Variants in HOOK1 observed in about 807,000 individuals in gnomAD.
HOOK1 encodes protein Hook homolog 1.
A neutral mutation model predicts 112.8 loss-of-function variants in HOOK1; 60 were observed. The observed-to-expected ratio is 0.53, with a 90% confidence interval of 0.43 to 0.66. The LOEUF (loss-of-function observed/expected upper bound fraction) is 0.66. Among genes scored for constraint, HOOK1 ranks in the 30% least tolerant of loss-of-function variants. The pLI is 0.00. For missense variants in HOOK1, 770 were observed against 856.0 expected, an observed-to-expected ratio of 0.90 and a Z score of 1.25; for synonymous variants, 294 against 283.8, an observed-to-expected ratio of 1.04 and a Z score of -0.36.
At chr1:59,863,867 C>A (rs767940148) in intron 16 of HOOK1, 1 of 941,336 alleles carries the variant, frequency 1.1e-6, no homozygotes, top group Non-Finnish European at 1.3e-6. Flanking sequence ...TGCATATATA[C>A]GGTATTGTAA....
chr1:59,840,449 T>G (rs1260242992), intron 8 of HOOK1, 58 bp downstream of exon 8: 1 of 1,085,290 alleles, frequency 9.2e-7, no homozygotes, highest in African/African-American at 1.6e-5. Context: ...CAGAAGATTT[T>G]TATTGTAATT....
At chr1:59,846,527 T>TTTCCTTCCTTCC (rs56170541) in intron 9 of HOOK1, among the ~76,000 whole-genome samples, 2 of 87,334 alleles carry the variant, frequency 2.3e-5, no homozygotes, top group Non-Finnish European at 4.6e-5. Context: ...CTTCCTTCCT[T>TTTCCTTCCTTCC]TTCCTTCCTT....
intron 15 of HOOK1, 145 bp downstream of exon 15, chr1:59,860,473 C>T (rs2098412991): frequency 1.6e-6 from 1 of 617,846 alleles, no homozygotes; most frequent in African/African-American, 1.9e-5. Context: ...AGTAGTCTTT[C>T]ATCACTATAA....
At chr1:59,848,630 TG>T in intron 11 of HOOK1, 114 bp downstream of exon 11, 1 of 683,108 alleles carries the variant, frequency 1.5e-6, no homozygotes, top group Non-Finnish European at 2.5e-6. Context: ...TAATAAGCTA[TG>T]AACTTATTCT....
At chr1:59,853,343 T>A (rs2098408281) in intron 12 of HOOK1, among the ~76,000 whole-genome samples, 1 of 152,110 alleles carries the variant, frequency 6.6e-6, no homozygotes, top group Non-Finnish European at 1.5e-5. Flanking sequence ...TTGATTTTTC[T>A]AATGTCTGTC....
At chr1:59,845,012 A>G (rs1260217352) in intron 9 of HOOK1, among the ~76,000 whole-genome samples, 2 of 151,976 alleles carry the variant, frequency 1.3e-5, no homozygotes, top group East Asian at 3.9e-4. Context: ...AGAAATCCTT[A>G]GTCCATTCCT....
chr1:59,846,570 CCTTCCTT>C (rs1320221418), intron 9 of HOOK1, among the ~76,000 whole-genome samples: 830 of 81,710 alleles, frequency 0.01, 64 homozygotes, highest in African/African-American at 0.012. Flanking sequence ...TTCCTTCCTT[CCTTCCTT>C]CCTTCCTTCC....
chr1:59,843,517 T>C lies in HOOK1; in HGVS notation c.707T>C (p.Phe236Ser). The change falls in exon 9 of 22, where the codon TTT becomes TCT. Residue 236 changes from phenylalanine to serine, a missense_variant. By Grantham distance (155) the Phe-to-Ser change is radical. Around this residue, in one of 3 missense-constraint regions of HOOK1, gnomAD observed 655 missense variants for 725.9 expected, o/e 0.90. Coordinates refer to ENST00000371208, the MANE Select transcript of HOOK1 (RefSeq NM_015888.6). The part of the protein sequence containing the change: ...NEKLDQLDGS[F>S]DDPNTVVAKK... ...AAACTTGACCAGTTGGATGGCTCTT[T>C]TGATGATCCAAACACAGTGGTTGCA... 1 of 1,610,500 alleles carries C rather than the reference T, an allele frequency of 6.2e-7. No homozygotes were observed. The highest frequency in any genetic ancestry group is 8.5e-7 in the Non-Finnish European group (1 of 1,177,810).
At position 59,850,038 on chromosome 1, in the gene HOOK1, A is replaced by G. The variant is rs112491489; in HGVS notation, c.1242+855A>G. On this transcript the variant is annotated intron_variant, in intron 12 of 21. Transcript: ENST00000371208. ...TAACTTCACATCCTTATCATCACCT[A>G]TTATCTTTTTGATTTTAGCTATCCT... Among the ~76,000 whole-genome samples, 644 of 151,536 alleles carry G rather than the reference A, an allele frequency of 4.2e-3. 2 individuals are homozygous for G. The highest frequency in any genetic ancestry group is 0.015 in the African/African-American group (611 of 41,490).
At chr1:59,820,953 C>T (rs766819925) in intron 1 of HOOK1, among the ~76,000 whole-genome samples, 1 of 152,100 alleles carries the variant, frequency 6.6e-6, no homozygotes, top group Non-Finnish European at 1.5e-5. Flanking sequence ...GTCTGAATCT[C>T]CAGTTGCCAA....
chr1:59,848,919 T>C (rs1302417068), intron 11 of HOOK1, among the ~76,000 whole-genome samples, 154 bp from the exon 12 acceptor site: 2 of 151,612 alleles, frequency 1.3e-5, no homozygotes, highest in Non-Finnish European at 3.0e-5. Flanking sequence ...CTTATCTATA[T>C]GTTATTTTCC....
intron 16 of HOOK1, among the ~76,000 whole-genome samples, 181 bp from the exon 17 acceptor site, chr1:59,864,451 A>G (rs527365924): frequency 1.3e-4 from 19 of 151,970 alleles, no homozygotes; most frequent in African/African-American, 4.3e-4. Flanking sequence ...TCCTTTTTGA[A>G]GTAAAAAAAG....
chr1:59,854,024 ATATATATATATATATTTTTTTTTTTTTTT>A (rs1350277403), intron 12 of HOOK1, among the ~76,000 whole-genome samples: 97 of 21,264 alleles, frequency 4.6e-3, no homozygotes, highest in African/African-American at 0.019. Flanking sequence ...ATATATATAT[ATATATATATATATATTTTTTTTTTTTTTT>A]TTTTTTTTTT....
intron 16 of HOOK1, among the ~76,000 whole-genome samples, chr1:59,864,285 TA>T (rs1242362050): frequency 6.6e-6 from 1 of 151,980 alleles, no homozygotes; most frequent in Non-Finnish European, 1.5e-5. Flanking sequence ...AAATGATTTT[TA>T]AAATATTTTA....
At chr1:59,858,242 T>G (rs1319352762) in intron 12 of HOOK1, among the ~76,000 whole-genome samples, 186 bp from the exon 13 acceptor site, 6 of 152,162 alleles carry the variant, frequency 3.9e-5, no homozygotes, top group African/African-American at 9.7e-5. Flanking sequence ...GATGGGAAAG[T>G]CAAAACCATG....
At chr1:59,826,080 AGTAG>A (rs2098389697) in intron 2 of HOOK1, among the ~76,000 whole-genome samples, 1 of 152,208 alleles carries the variant, frequency 6.6e-6, no homozygotes. Flanking sequence ...TATAGTAACT[AGTAG>A]GTATTTCTTA....
Position 59,828,937 on chromosome 1 carries a change from T to G in HOOK1, c.222+85T>G, listed in dbSNP as rs974883761. 3 of 1,014,508 alleles carry G rather than the reference T, an allele frequency of 3.0e-6. No homozygotes were observed. In the African/African-American group the frequency reaches 4.8e-5, roughly 16 times the overall value. 62.8% of individuals were successfully genotyped at this position (1,014,508 alleles called of 1,614,324 possible). ...AGTTAACCAAATCTGTTTTTCAAAT[T>G]AACTTATAGTACTTTTTGTTGTGTA... is the stretch of plus-strand genomic sequence containing the variant. On this transcript the variant is annotated intron_variant, in intron 3 of 21. Coordinates refer to ENST00000371208, the MANE Select transcript of HOOK1 (RefSeq NM_015888.6).
Position 59,865,227 on chromosome 1 carries a change from C to G in HOOK1, c.1726C>G (p.Pro576Ala). ...ACAAGAACTCATTGAAGATCTTCAG[C>G]CAGATATAAATCAAAATGGTAGGTA... is the stretch of plus-strand genomic sequence containing the variant. ...KKQELIEDLQ[P>A]DINQNVQKIN... Residue 576 changes from proline to alanine, a missense_variant, in exon 18 of 22, where the codon CCA becomes GCA. This residue lies in a region of HOOK1 where 655 missense variants were observed against 725.9 expected (regional missense o/e 0.90). Coordinates refer to ENST00000371208, the MANE Select transcript of HOOK1 (RefSeq NM_015888.6). The G allele has an allele frequency of 6.2e-7, 1 of 1,601,268 alleles. No homozygotes were observed. The highest frequency in any genetic ancestry group is 8.6e-7 in the Non-Finnish European group (1 of 1,168,468).
intron 19 of HOOK1, among the ~76,000 whole-genome samples, chr1:59,867,434 T>G (rs966232270): frequency 1.3e-5 from 2 of 152,194 alleles, no homozygotes; most frequent in African/African-American, 4.8e-5. Context: ...ACAATAGTAT[T>G]TTGGTATTTT....
Sources: allele counts gnomAD v4.1 joint callset (sites outside exome capture counted in the v4.1 genomes callset), GRCh38; gene constraint gnomAD v4.1.1; regional missense constraint gnomAD v4.1.1; transcripts MANE v1.5; gene names NCBI Gene and HGNC (gene_info 2026-07-23, HGNC 2026-07-21).